The following PID1 variants were observed in gnomAD, a reference collection of about 807,000 sequenced individuals.
The protein encoded by PID1 is PTB-containing, cubilin and LRP1-interacting protein.
In PID1, 10 loss-of-function variants were observed where a neutral mutation model predicts 19.1. The observed-to-expected ratio is 0.52, with a 90% CI of 0.32 to 0.89. PID1 has a LOEUF of 0.89. Among genes scored for constraint, PID1 ranks in the 40% least tolerant of loss-of-function variants. The probability of loss-of-function intolerance (pLI) is 0.03; values close to 1 mark genes in which losing one functional copy is unlikely to be tolerated. For synonymous variants in PID1, 130 were observed against 116.0 expected (o/e 1.12, Z -0.78); for missense variants, 248 against 285.3 (o/e 0.87, Z 0.94).
At chr2:229,091,143 A>T (rs1694867286) in intron 2 of PID1, among the ~76,000 whole-genome samples, 1 of 152,132 alleles carries the variant, frequency 6.6e-6, no homozygotes, top group African/African-American at 2.4e-5. Flanking sequence ...TCTATATAAA[A>T]TTTGCATAAT....
chr2:229,245,487 A>G (rs1689978201), intron 1 of PID1, among the ~76,000 whole-genome samples: 1 of 152,154 alleles, frequency 6.6e-6, no homozygotes, highest in Admixed American at 6.5e-5. Flanking sequence ...ACTTGTTTTA[A>G]TCAGAATAGA....
chr2:229,180,363 T>C (rs1690913721), intron 1 of PID1, among the ~76,000 whole-genome samples: 1 of 152,156 alleles, frequency 6.6e-6, no homozygotes, highest in African/African-American at 2.4e-5. Flanking sequence ...GATAAATAAT[T>C]ATCGCTTAAT....
rs1693394845 is a variant in PID1 at position 229,025,536 on chromosome 2, G to T, written c.*96C>A. 1 of 875,150 alleles carries T rather than the reference G, an allele frequency of 1.1e-6. No homozygotes were observed. Among genetic ancestry groups the T allele is most frequent in the Non-Finnish European group, 1.8e-6 (1 of 546,602 alleles). The allele number at this position is 875,150 out of a possible 1,614,324, so 54.2% of individuals were successfully genotyped here. ...AAAACCTTGGTCAGCCAATAGTTTG[G>T]CAGTCTTTTCATCCCAAATTTGAAA... On this transcript the variant is annotated 3_prime_UTR_variant, in exon 3 of 3. Transcript: ENST00000392055.
intron 2 of PID1, among the ~76,000 whole-genome samples, chr2:229,034,497 A>T (rs73998517): frequency 6.6e-6 from 1 of 152,114 alleles, no homozygotes; most frequent in Non-Finnish European, 1.5e-5. Context: ...CACATTTGCC[A>T]CATCCCAACT....
chr2:229,189,367 T>C (rs1182904578), intron 1 of PID1, among the ~76,000 whole-genome samples: 1 of 152,176 alleles, frequency 6.6e-6, no homozygotes, highest in East Asian at 1.9e-4. Context: ...TCAAGCATGG[T>C]GCTTGGCACT....
intron 1 of PID1, among the ~76,000 whole-genome samples, chr2:229,168,530 A>G (rs1351789656): frequency 6.6e-6 from 1 of 152,156 alleles, no homozygotes; most frequent in Non-Finnish European, 1.5e-5. Flanking sequence ...CCCAGCAGTT[A>G]CATCTGACTG....
chr2:229,244,398 A>G (rs913703013), intron 1 of PID1, among the ~76,000 whole-genome samples: 2 of 152,194 alleles, frequency 1.3e-5, no homozygotes, highest in African/African-American at 4.8e-5. Flanking sequence ...AAGTCTGTCT[A>G]TAGGGAGTCC....
chr2:229,191,039 G>A (rs1691250669), intron 1 of PID1, among the ~76,000 whole-genome samples: 1 of 152,152 alleles, frequency 6.6e-6, no homozygotes, highest in Non-Finnish European at 1.5e-5. Flanking sequence ...GATCTTTAGG[G>A]GAGCAACAAT....
At chr2:229,220,919 TA>T (rs1691955168) in intron 1 of PID1, among the ~76,000 whole-genome samples, 1 of 152,078 alleles carries the variant, frequency 6.6e-6, no homozygotes, top group African/African-American at 2.4e-5. Flanking sequence ...AAAAAAAATT[TA>T]AAAAAAATTC....
intron 2 of PID1, among the ~76,000 whole-genome samples, chr2:229,150,269 G>T (rs1025052628): frequency 1.3e-4 from 19 of 150,256 alleles, no homozygotes; most frequent in Non-Finnish European, 2.8e-4. Context: ...AAAGAAAGAA[G>T]TAAAGAAAAG....
At chr2:229,217,362 CT>C (rs1327470166) in intron 1 of PID1, among the ~76,000 whole-genome samples, 4 of 152,184 alleles carry the variant, frequency 2.6e-5, no homozygotes, top group Non-Finnish European at 5.9e-5. Context: ...ATGATAGTGC[CT>C]TTCTGGAGAG....
chr2:229,190,289 G>C (rs1462961747), intron 1 of PID1, among the ~76,000 whole-genome samples: 3 of 152,186 alleles, frequency 2.0e-5, no homozygotes, highest in Admixed American at 2.0e-4. Context: ...GATGGCATAA[G>C]GTATCAAAAC....
At chr2:229,241,505 TG>T (rs1394467409) in intron 1 of PID1, among the ~76,000 whole-genome samples, 2 of 152,144 alleles carry the variant, frequency 1.3e-5, no homozygotes, top group African/African-American at 4.8e-5. Context: ...GAAATCTGAT[TG>T]TTGCACAAAT....
In PID1 at chr2:229,160,325, G is replaced by A. The variant is rs138706496; in HGVS notation, c.31-4361C>T. Among the ~76,000 whole-genome samples the A allele has an allele frequency of 7.5e-3, 1,140 of 152,086 alleles. 9 individuals carry two copies. The highest frequency in any genetic ancestry group is 0.013 in the Non-Finnish European group (883 of 68,002). On this transcript the variant is annotated intron_variant, in intron 1 of 2. Coordinates refer to ENST00000392055, the MANE Select transcript of PID1 (RefSeq NM_001100818.2). ...CACCTGCCCCTTTGATTGCTTGGCT[G>A]GGGAGCCAAGTGAAATAAATACACA...
rs530398510 is a variant in PID1, at chr2:229,126,783, C to A, written c.177+29035G>T. On this transcript the variant is annotated intron_variant, in intron 2 of 2. Coordinates refer to ENST00000392055, the MANE Select transcript of PID1 (RefSeq NM_001100818.2). Reference sequence around the variant, plus strand: ...CCAGTCAGCTAGCCACAAGCCATGTCACCTCATGTGTACACTTGTCTATTT... The same window carrying A: ...CCAGTCAGCTAGCCACAAGCCATGTAACCTCATGTGTACACTTGTCTATTT... 1.6e-4 allele frequency among the ~76,000 whole-genome samples: 24 copies of A among 152,344 alleles called. 1 individual carries two copies. In the South Asian group the frequency reaches 5.0e-3, roughly 32 times the overall value.
chr2:229,027,178 A>C (rs1693443152), intron 2 of PID1, among the ~76,000 whole-genome samples: 1 of 152,228 alleles, frequency 6.6e-6, no homozygotes. Flanking sequence ...TTAGTGGGAC[A>C]ATACAGGCCA....
intron 2 of PID1, among the ~76,000 whole-genome samples, chr2:229,040,045 A>G (rs1372821519): frequency 6.6e-6 from 1 of 151,772 alleles, no homozygotes; most frequent in Non-Finnish European, 1.5e-5. Flanking sequence ...CTAATCTACT[A>G]TTCCACGTGT....
intron 2 of PID1, among the ~76,000 whole-genome samples, chr2:229,153,925 G>T (rs960981797): frequency 6.6e-6 from 1 of 152,200 alleles, no homozygotes; most frequent in East Asian, 1.9e-4. Flanking sequence ...TTTCCTCATA[G>T]GAACAGAAAT....
At chr2:229,132,261 C>T (rs1425171150) in intron 2 of PID1, among the ~76,000 whole-genome samples, 1 of 152,198 alleles carries the variant, frequency 6.6e-6, no homozygotes, top group East Asian at 1.9e-4. Context: ...CCACAACCAT[C>T]TATGTTCCAT....
Sources: allele counts gnomAD v4.1 joint callset (sites outside exome capture counted in the v4.1 genomes callset), GRCh38; gene constraint gnomAD v4.1.1; transcripts MANE v1.5; gene names NCBI Gene and HGNC (gene_info 2026-07-23, HGNC 2026-07-21).